Variants in CLHC1 observed in about 807,000 individuals in gnomAD.
CLHC1 encodes clathrin heavy chain linker domain containing 1.
Under a neutral mutation model 69.5 loss-of-function variants are expected in CLHC1, and 72 were observed. That is an observed-to-expected ratio of 1.04 (90% CI 0.86 to 1.26). The LOEUF (loss-of-function observed/expected upper bound fraction) is 1.26, where lower values mean the gene tolerates loss of function less well. CLHC1 is among the 50% of genes most tolerant of loss of function. The pLI, the probability that CLHC1 is intolerant of heterozygous loss-of-function variation, is 0.00. For missense variants in CLHC1, 790 were observed against 679.3 expected (o/e 1.16, Z -1.81); for synonymous variants, 223 against 224.3 (o/e 0.99, Z 0.05).
chr2:55,217,505 A>G (rs575835639), intron 4 of CLHC1, among the ~76,000 whole-genome samples: 5 of 131,434 alleles, frequency 3.8e-5, no homozygotes, highest in Non-Finnish European at 6.4e-5. Context: ...CCTGGGCAAC[A>G]AGAGTGAAAC....
chr2:55,183,301 G>A (rs529245547), intron 9 of CLHC1, among the ~76,000 whole-genome samples: 4 of 152,114 alleles, frequency 2.6e-5, no homozygotes, highest in Admixed American at 2.0e-4. Flanking sequence ...AAAAGCGAGT[G>A]AAAAAAAGCT....
intron 5 of CLHC1, among the ~76,000 whole-genome samples, chr2:55,210,498 A>C (rs1303296223): frequency 6.6e-6 from 1 of 152,132 alleles, no homozygotes; most frequent in African/African-American, 2.4e-5. Flanking sequence ...ACCCAGCCTC[A>C]GGCTAGCAGT....
intron 2 of CLHC1, among the ~76,000 whole-genome samples, chr2:55,226,479 CTA>C (rs1198527080): frequency 6.6e-6 from 1 of 152,128 alleles, no homozygotes; most frequent in Non-Finnish European, 1.5e-5. Context: ...AAATTAAACT[CTA>C]TATTCAGTTG....
intron 11 of CLHC1, among the ~76,000 whole-genome samples, chr2:55,178,177 C>T (rs1669586652): frequency 6.6e-6 from 1 of 152,130 alleles, no homozygotes; most frequent in Non-Finnish European, 1.5e-5. Context: ...TCTAATACTA[C>T]AGTTTGTTTG....
At chr2:55,214,297 C>T (rs1673288755) in intron 4 of CLHC1, 2 of 152,328 alleles carry the variant, frequency 1.3e-5, no homozygotes, top group South Asian at 4.1e-4. Context: ...ATCACGAGGT[C>T]AGGAGTTTGA....
intron 7 of CLHC1, among the ~76,000 whole-genome samples, chr2:55,209,082 C>A (rs183396907): frequency 1.3e-5 from 2 of 151,980 alleles, no homozygotes; most frequent in East Asian, 3.9e-4. Context: ...ACTGTGTTAC[C>A]CAGGATGGTC....
chr2:55,217,552 A>AATACATATATATATAT (rs1673679194), intron 4 of CLHC1, among the ~76,000 whole-genome samples: 15 of 43,162 alleles, frequency 3.5e-4, no homozygotes, highest in African/African-American at 1.8e-3. Flanking sequence ...AAAAAAAAAA[A>AATACATATATATATAT]ATATATATAT....
intron 3 of CLHC1, among the ~76,000 whole-genome samples, chr2:55,220,578 T>C (rs1220464497): frequency 3.9e-5 from 6 of 152,206 alleles, no homozygotes; most frequent in Non-Finnish European, 5.9e-5. Flanking sequence ...CAATATTATT[T>C]TCTATTTAAC....
intron 9 of CLHC1, among the ~76,000 whole-genome samples, chr2:55,200,276 C>T (rs1211287635): frequency 1.7e-5 from 2 of 119,538 alleles, no homozygotes; most frequent in Non-Finnish European, 3.6e-5. Flanking sequence ...AAAAAAGACC[C>T]AATGATCTGT....
intron 9 of CLHC1, among the ~76,000 whole-genome samples, chr2:55,200,948 G>T (rs1270786220): frequency 1.3e-5 from 2 of 152,064 alleles, no homozygotes; most frequent in South Asian, 2.1e-4. Context: ...TCAATGAAGA[G>T]ATTAACAAGG....
intron 2 of CLHC1, among the ~76,000 whole-genome samples, chr2:55,227,564 G>C (rs908664822): frequency 7.9e-5 from 12 of 151,630 alleles, no homozygotes; most frequent in African/African-American, 2.9e-4. Context: ...TATAATCCCA[G>C]CTACTCAGGA....
In CLHC1 at chr2:55,172,954, T is replaced by C. The variant is rs974050719; in HGVS notation, c.*2836A>G. On this transcript the variant is annotated 3_prime_UTR_variant, in exon 13 of 13. Transcript: ENST00000401408. ...CCAAATGAATGAATTTAATAGAAATTCATTTTGATACATGCTTGACTATAA... is the reference window on the plus strand; with the variant it reads ...CCAAATGAATGAATTTAATAGAAATCCATTTTGATACATGCTTGACTATAA... 6.6e-6 allele frequency among the ~76,000 whole-genome samples: 1 copy of C among 152,222 alleles called. No homozygotes were observed. The highest frequency in any genetic ancestry group is 2.4e-5 in the African/African-American group (1 of 41,466).
intron 9 of CLHC1, among the ~76,000 whole-genome samples, chr2:55,187,739 A>G (rs921909572): frequency 2.0e-5 from 3 of 152,180 alleles, no homozygotes; most frequent in Non-Finnish European, 4.4e-5. Flanking sequence ...GAGAAAAAAG[A>G]AAAATGACTT....
intron 11 of CLHC1, among the ~76,000 whole-genome samples, chr2:55,179,247 G>C (rs1669685930): frequency 6.6e-6 from 1 of 151,982 alleles, no homozygotes; most frequent in Non-Finnish European, 1.5e-5. Flanking sequence ...ATTCTGTCCT[G>C]TCACTACATA....
intron 10 of CLHC1, 141 bp downstream of exon 10, chr2:55,181,429 A>G (rs890434658): frequency 1.5e-6 from 1 of 678,914 alleles, no homozygotes; most frequent in African/African-American, 1.8e-5. Flanking sequence ...ACACCCGACC[A>G]CTAAACACTT....
intron 9 of CLHC1, chr2:55,205,633 C>T (rs913448295): frequency 1.3e-5 from 2 of 152,302 alleles, no homozygotes; most frequent in African/African-American, 4.8e-5. Context: ...ATGGTTCACA[C>T]CTGTAATTCC....
At chr2:55,212,139 C>T (rs1265996258) in intron 5 of CLHC1, among the ~76,000 whole-genome samples, 2 of 152,048 alleles carry the variant, frequency 1.3e-5, no homozygotes, top group Admixed American at 1.3e-4. Context: ...TATCTGGGCA[C>T]AGTGGCACGC....
At chr2:55,226,154 T>A (rs1004662245) in intron 2 of CLHC1, among the ~76,000 whole-genome samples, 1 of 148,286 alleles carries the variant, frequency 6.7e-6, no homozygotes, top group Admixed American at 6.8e-5. Context: ...ATCGCACCAC[T>A]GCACTCCAGC....
At position 55,174,531 on chromosome 2, in the gene CLHC1, G is replaced by A. The variant is rs530697757; in HGVS notation, c.*1259C>T. Among the ~76,000 whole-genome samples, 1 of 152,250 alleles carries A rather than the reference G, an allele frequency of 6.6e-6. No individual in the cohort carries two copies. Among genetic ancestry groups the A allele is most frequent in the Non-Finnish European group, 1.5e-5 (1 of 68,014 alleles). On this transcript the variant is annotated 3_prime_UTR_variant, in exon 13 of 13. Transcript: ENST00000401408. ...ATCTTTTCCTAAGTTCCTCTATCAT[G>A]TTATACACTTACACTACACATACAT...
Sources: allele counts gnomAD v4.1 joint callset (sites outside exome capture counted in the v4.1 genomes callset), GRCh38; gene constraint gnomAD v4.1.1; transcripts MANE v1.5; gene names NCBI Gene and HGNC (gene_info 2026-07-23, HGNC 2026-07-21).